The following SLC35F3 variants were observed in gnomAD, a reference collection of about 807,000 sequenced individuals.
SLC35F3 encodes the protein solute carrier family 35 member F3.
SLC35F3 carries 25 observed loss-of-function variants against 49.9 expected under a neutral mutation model. The ratio of observed to expected loss-of-function variants is 0.50; its 90% CI spans 0.37 to 0.70. The LOEUF (loss-of-function observed/expected upper bound fraction) is 0.70, where lower values mean the gene tolerates loss of function less well. Among genes scored for constraint, SLC35F3 ranks in the 30% least tolerant of loss-of-function variants. The pLI, the probability that SLC35F3 is intolerant of heterozygous loss-of-function variation, is 0.00. For synonymous variants in SLC35F3, 275 were observed against 265.4 expected, an observed-to-expected ratio of 1.04 and a Z score of -0.35; for missense variants, 525 against 639.8, an observed-to-expected ratio of 0.82 and a Z score of 1.94.
intron 3 of SLC35F3, among the ~76,000 whole-genome samples, chr1:234,304,955 A>G (rs998074652): frequency 6.6e-6 from 1 of 152,218 alleles, no homozygotes; most frequent in African/African-American, 2.4e-5. Context: ...AGAAAAACTG[A>G]AATAGAAAAA....
rs1251390713 is a variant in SLC35F3 at position 234,214,040 on chromosome 1, C to G, written c.284-17377C>G. On this transcript the variant is annotated intron_variant, in intron 2 of 7. Coordinates refer to ENST00000366618, the MANE Select transcript of SLC35F3 (RefSeq NM_173508.4). The surrounding 1 kb of genome is among the most constrained non-coding windows in gnomAD (Gnocchi z 8.0). ...TGAGGCTTAAGTTCTCAGGGTCTCC[C>G]CTCCGCAGGCGCTGGTCCTTTTAAA... The G allele has an allele frequency of 6.3e-6, 2 of 316,272 alleles. No individual in the cohort carries two copies. The highest frequency in any genetic ancestry group is 9.2e-6 in the Non-Finnish European group (2 of 216,734). The allele number at this position is 316,272 out of a possible 1,614,324, so 19.6% of individuals were successfully genotyped here.
intron 2 of SLC35F3, among the ~76,000 whole-genome samples, chr1:233,980,484 T>C (rs891474650): frequency 1.3e-5 from 2 of 152,232 alleles, no homozygotes; most frequent in African/African-American, 4.8e-5. Flanking sequence ...TTGCAGGGAC[T>C]TTCTGACTCC....
chr1:234,307,151 C>T (rs1305949769), intron 3 of SLC35F3, among the ~76,000 whole-genome samples: 2 of 152,122 alleles, frequency 1.3e-5, no homozygotes, highest in Non-Finnish European at 2.9e-5. Context: ...GAAAATGTAG[C>T]TGGAATATTG....
intron 2 of SLC35F3, among the ~76,000 whole-genome samples, chr1:234,017,355 G>T (rs1032237807): frequency 6.6e-6 from 1 of 152,134 alleles, no homozygotes; most frequent in Non-Finnish European, 1.5e-5. Context: ...AGGTTCCTGT[G>T]AGCTTCTGGT....
chr1:233,924,230 T>G (rs1373601431), intron 2 of SLC35F3, among the ~76,000 whole-genome samples: 2 of 152,256 alleles, frequency 1.3e-5, no homozygotes, highest in African/African-American at 4.8e-5. Context: ...TAACAGCTCC[T>G]CTTTGTACCT....
chr1:233,941,061 T>C (rs1662412345), intron 2 of SLC35F3, among the ~76,000 whole-genome samples: 1 of 152,174 alleles, frequency 6.6e-6, no homozygotes, highest in Non-Finnish European at 1.5e-5. Flanking sequence ...GCATCGTGCT[T>C]GCATTTAGTG....
chr1:234,051,548 A>G (rs1462812486), intron 2 of SLC35F3, among the ~76,000 whole-genome samples: 3 of 152,172 alleles, frequency 2.0e-5, no homozygotes, highest in Non-Finnish European at 4.4e-5. Flanking sequence ...GGCTGAGATG[A>G]TGGGGTTTTC....
intron 3 of SLC35F3, among the ~76,000 whole-genome samples, chr1:234,303,096 T>C (rs1006020636): frequency 3.9e-5 from 6 of 152,198 alleles, no homozygotes; most frequent in African/African-American, 9.7e-5. Flanking sequence ...TATCTCACCC[T>C]ACCCTTTCTT....
At chr1:234,060,517 G>A (rs1231274216) in intron 2 of SLC35F3, among the ~76,000 whole-genome samples, 3 of 152,146 alleles carry the variant, frequency 2.0e-5, no homozygotes, top group South Asian at 2.1e-4. Flanking sequence ...CACAATCTCA[G>A]CTCACTGCAA....
chr1:234,241,259 C>T (rs1469830027), intron 3 of SLC35F3, among the ~76,000 whole-genome samples: 1 of 152,082 alleles, frequency 6.6e-6, no homozygotes, highest in East Asian at 1.9e-4. Flanking sequence ...CACAGGGGTA[C>T]ATACAAGTGT....
chr1:234,200,384 A>T (rs1463755241), intron 2 of SLC35F3, among the ~76,000 whole-genome samples: 1 of 152,128 alleles, frequency 6.6e-6, no homozygotes, highest in Non-Finnish European at 1.5e-5. Context: ...TTCTTATTAG[A>T]TATATAATTT....
intron 2 of SLC35F3, among the ~76,000 whole-genome samples, chr1:234,199,443 A>T (rs759929077): frequency 6.6e-6 from 1 of 152,216 alleles, no homozygotes; most frequent in Non-Finnish European, 1.5e-5. Flanking sequence ...ATTCACATGC[A>T]GAAGAATGAA....
At chr1:234,227,022 G>A (rs1266253893) in intron 2 of SLC35F3, among the ~76,000 whole-genome samples, 2 of 150,556 alleles carry the variant, frequency 1.3e-5, no homozygotes, top group African/African-American at 4.9e-5. Context: ...ACAGAACTGG[G>A]ATGAACCCGC....
rs1166093600 is a variant in SLC35F3, at chr1:233,905,517, C to T, written c.54-12C>T. ...CTGCCCACCCACCTGCCCGTGGCGC[C>T]TGCGACCGCAGTGGCATGAGGAGGT... On this transcript the variant is annotated splice_polypyrimidine_tract_variant and intron_variant, in intron 1 of 7. Transcript: ENST00000366618. 3.7e-6 allele frequency: 6 copies of T among 1,605,126 alleles called. No homozygotes were observed. The African/African-American group carries it at 6.7e-5, about 18-fold the overall frequency.
At chr1:233,973,118 C>T (rs1400445892) in intron 2 of SLC35F3, among the ~76,000 whole-genome samples, 1 of 152,232 alleles carries the variant, frequency 6.6e-6, no homozygotes, top group African/African-American at 2.4e-5. Context: ...ACTCAGCAGC[C>T]ACATCTGCAG....
intron 2 of SLC35F3, among the ~76,000 whole-genome samples, chr1:234,043,544 T>C (rs1260142706): frequency 6.6e-6 from 1 of 152,192 alleles, no homozygotes; most frequent in Non-Finnish European, 1.5e-5. Context: ...TGTTTCCACA[T>C]TCAACTGTTG....
chr1:234,299,249 AG>A, intron 3 of SLC35F3, among the ~76,000 whole-genome samples: 1 of 152,360 alleles, frequency 6.6e-6, no homozygotes, highest in East Asian at 1.9e-4. Flanking sequence ...ACCAAGGCAA[AG>A]ACTTTAGTAG....
At position 233,938,094 on chromosome 1, in the gene SLC35F3, G is replaced by C. The variant is rs568518785; in HGVS notation, c.283+32336G>C. 2.0e-5 allele frequency among the ~76,000 whole-genome samples: 3 copies of C among 152,290 alleles called. No individual in the cohort carries two copies. In the East Asian group the frequency reaches 5.8e-4, roughly 29 times the overall value. ...TTGGGGTTCTTGGTTGAAAGCAACA[G>C]ACATTCAATGTTTTCATCATAGGCA... On this transcript the variant is annotated intron_variant, in intron 2 of 7. Transcript: ENST00000366618.
intron 2 of SLC35F3, among the ~76,000 whole-genome samples, chr1:234,218,832 T>C (rs1401687105): frequency 6.6e-6 from 1 of 151,998 alleles, no homozygotes; most frequent in Non-Finnish European, 1.5e-5. Flanking sequence ...GGGTGGATCA[T>C]GAGGTCAAGA....
Sources: gnomAD v4.1 joint callset for allele counts (sites outside exome capture counted in the v4.1 genomes callset) on GRCh38, gnomAD v4.1.1 for gene constraint, Gnocchi (gnomAD v3.1) non-coding constraint, MANE v1.5 for transcripts, NCBI Gene and HGNC (gene_info 2026-07-23, HGNC 2026-07-21) for gene names.